ACOXL: variants seen among roughly 807,000 people sequenced by gnomAD.
ACOXL encodes acyl-CoA oxidase like.
In ACOXL, 70 loss-of-function variants were observed where a neutral mutation model predicts 71.9. The ratio of observed to expected loss-of-function variants is 0.97; its 90% CI spans 0.80 to 1.19. The LOEUF (loss-of-function observed/expected upper bound fraction) is 1.19. Ranked by LOEUF, ACOXL falls within the 50% of genes most tolerant of loss-of-function variation. The probability of loss-of-function intolerance (pLI) is 0.00; values close to 1 mark genes in which losing one functional copy is unlikely to be tolerated. For missense variants in ACOXL, 703 were observed against 736.3 expected, an observed-to-expected ratio of 0.95 and a Z score of 0.52; for synonymous variants, 253 against 281.6, an observed-to-expected ratio of 0.90 and a Z score of 1.02.
At chr2:111,062,444 C>G (rs927482795) in intron 16 of ACOXL, among the ~76,000 whole-genome samples, 3 of 152,038 alleles carry the variant, frequency 2.0e-5, no homozygotes, top group East Asian at 1.9e-4. Context: ...CATAAAAAAT[C>G]TTAACACCCT....
Position 111,117,664 on chromosome 2 carries a change from T to G in ACOXL, c.1591T>G (p.Ser531Ala). The part of the protein sequence containing the change: ...SVKDDARRVI[S>A]TFNIPHTYLH... Reference sequence around the variant, plus strand: ...GAAGGATGATGCCCGGAGGGTGATCTCGACCTTTAACATTCCACACACCTA... The same window carrying G: ...GAAGGATGATGCCCGGAGGGTGATCGCGACCTTTAACATTCCACACACCTA... The change falls in exon 18 of 18, where the codon TCG becomes GCG. Residue 531 changes from serine (S) to alanine (A), a missense_variant. By Grantham distance (99) the Ser-to-Ala change is moderately conservative. Transcript: ENST00000439055. 9.7e-6 allele frequency: 15 copies of G among 1,551,776 alleles called. No individual in the cohort carries two copies. The highest frequency in any genetic ancestry group is 1.7e-4 in the Middle Eastern group (1 of 5,992).
intron 10 of ACOXL, among the ~76,000 whole-genome samples, chr2:110,900,754 A>G (rs183382280): frequency 5.3e-5 from 8 of 152,182 alleles, no homozygotes; most frequent in African/African-American, 1.7e-4. Flanking sequence ...GGTTTGAACC[A>G]TAGCGTGATG....
chr2:110,867,712 A>G (rs886172872), intron 10 of ACOXL, among the ~76,000 whole-genome samples: 6 of 152,132 alleles, frequency 3.9e-5, no homozygotes, highest in African/African-American at 9.7e-5. Context: ...GGAGATCAAT[A>G]TTAAATACCT....
chr2:111,006,400 C>T (rs757306098), intron 14 of ACOXL, among the ~76,000 whole-genome samples: 3 of 152,206 alleles, frequency 2.0e-5, no homozygotes, highest in African/African-American at 2.4e-5. Flanking sequence ...GGATAGCTGA[C>T]GATCTGGGGA....
chr2:110,869,959 A>C (rs961313778), intron 10 of ACOXL, among the ~76,000 whole-genome samples: 1 of 152,242 alleles, frequency 6.6e-6, no homozygotes, highest in Non-Finnish European at 1.5e-5. Flanking sequence ...CCTTCAGGCA[A>C]GTGGCTTGTA....
At chr2:110,900,986 C>T (rs1468802025) in intron 10 of ACOXL, among the ~76,000 whole-genome samples, 2 of 152,174 alleles carry the variant, frequency 1.3e-5, no homozygotes, top group Admixed American at 6.5e-5. Context: ...GGGGGTCATC[C>T]CTCAGCTTGT....
intron 14 of ACOXL, among the ~76,000 whole-genome samples, chr2:111,020,082 A>G (rs1465717020): frequency 1.3e-5 from 2 of 152,062 alleles, no homozygotes; most frequent in African/African-American, 4.8e-5. Flanking sequence ...CTGGTCACGA[A>G]CTCTTAACCT....
Position 110,933,637 on chromosome 2 carries a change from G to T in ACOXL, c.1054G>T (p.Gly352Cys). Residue 352 changes from glycine (G) to cysteine (C), a missense_variant, in exon 12 of 18, where the codon GGC (glycine) becomes TGC (cysteine). By Grantham distance (159) the Gly-to-Cys change is radical. Transcript: ENST00000439055. ...GCAGGACTGCCGCGAGTGCACTGGAGGCATGGTGAGCCCCAAGGCCTGCAG... is the reference window on the plus strand; with the variant it reads ...GCAGGACTGCCGCGAGTGCACTGGATGCATGGTGAGCCCCAAGGCCTGCAG... ...CLQDCRECTGGMVVGRELLAQ... is the reference protein window; with the variant it reads ...CLQDCRECTGCMVVGRELLAQ... 1 of 1,610,430 alleles carries T rather than the reference G, an allele frequency of 6.2e-7. No homozygotes were observed. The highest frequency in any genetic ancestry group is 8.5e-7 in the Non-Finnish European group (1 of 1,178,708).
chr2:110,992,153 G>A (rs2149575666), intron 13 of ACOXL, among the ~76,000 whole-genome samples: 2 of 152,254 alleles, frequency 1.3e-5, no homozygotes, highest in Middle Eastern at 3.4e-3. Flanking sequence ...TGTGCCAAAG[G>A]CAGTATTCCA....
At position 110,988,076 on chromosome 2, in the gene ACOXL, C is replaced by T. The variant is rs574526374; in HGVS notation, c.1169+859C>T. ...AGTTCATGGAGCAGTGGCTACCTTC[C>T]TATTTATTACTAGTGATGCTCTCTG... On this transcript the variant is annotated intron_variant, in intron 13 of 17. Coordinates refer to ENST00000439055, the MANE Select transcript of ACOXL (RefSeq NM_001142807.4). Among the ~76,000 whole-genome samples the T allele has an allele frequency of 1.8e-4, 27 of 152,310 alleles. No homozygotes were observed. The South Asian group carries it at 5.0e-3, about 28-fold the overall frequency.
chr2:111,041,350 T>C (rs1181099786), intron 15 of ACOXL, among the ~76,000 whole-genome samples: 1 of 152,182 alleles, frequency 6.6e-6, no homozygotes, highest in Non-Finnish European at 1.5e-5. Flanking sequence ...ATCCATTATC[T>C]TCCCAATTTA....
chr2:111,088,417 C>T (rs544430919), intron 16 of ACOXL, among the ~76,000 whole-genome samples: 5 of 151,832 alleles, frequency 3.3e-5, no homozygotes, highest in Admixed American at 1.3e-4. Flanking sequence ...TGGTAGGCTT[C>T]GTAAAGAAAC....
chr2:110,887,860 C>G (rs535807471), intron 10 of ACOXL: 8 of 152,266 alleles, frequency 5.3e-5, no homozygotes, highest in African/African-American at 1.9e-4. Flanking sequence ...CTGTTTCTTT[C>G]TTTATTTTTC....
chr2:110,943,101 A>T (rs1165792439), intron 12 of ACOXL, among the ~76,000 whole-genome samples: 4 of 144,890 alleles, frequency 2.8e-5, no homozygotes, highest in African/African-American at 1.0e-4. Flanking sequence ...GGGAGGAAGG[A>T]AGGTAGGAAA....
rs150518299 is a variant in ACOXL at position 111,084,026 on chromosome 2, A to G, written c.1441-8839A>G. Among the ~76,000 whole-genome samples, 1,336 of 142,712 alleles carry G rather than the reference A, an allele frequency of 9.4e-3. 19 individuals carry two copies. The highest frequency in any genetic ancestry group is 0.032 in the African/African-American group (1,239 of 38,760). The allele number at this position is 142,712 out of a possible 152,430, so 93.6% of individuals were successfully genotyped here. On this transcript the variant is annotated intron_variant, in intron 16 of 17. Transcript: ENST00000439055. ...AATGTCATTCTGACAATACTTCCAG[A>G]AAAAAAAATGTGATTTGGGGCCAGG...
intron 12 of ACOXL, among the ~76,000 whole-genome samples, chr2:110,949,706 A>G (rs2149402171): frequency 6.6e-6 from 1 of 152,330 alleles, no homozygotes; most frequent in South Asian, 2.1e-4. Flanking sequence ...ATGAAGAAGC[A>G]CTAGGGACAT....
chr2:110,976,563 C>T (rs947797511), intron 12 of ACOXL, among the ~76,000 whole-genome samples: 5 of 152,238 alleles, frequency 3.3e-5, no homozygotes, highest in African/African-American at 1.2e-4. Flanking sequence ...GGATGAACTG[C>T]AGGAAAGCAT....
rs541038084 is a variant in ACOXL, at chr2:110,862,358, G to C, written c.788+20953G>C. ...GAGCTGAGTGCAGTGGTTCACACCT[G>C]TAATCCCAGCGACTCAAGGCAGAGG... On this transcript the variant is annotated intron_variant, in intron 10 of 17. Transcript: ENST00000439055. Among the ~76,000 whole-genome samples, 11 of 152,338 alleles carry C rather than the reference G, an allele frequency of 7.2e-5. No homozygotes were observed. The East Asian group carries it at 2.1e-3, about 29-fold the overall frequency.
chr2:111,013,522 CAAAAAAAAAAAAA>C (rs56905916), intron 14 of ACOXL, among the ~76,000 whole-genome samples: 1 of 95,526 alleles, frequency 1.0e-5, no homozygotes, highest in Non-Finnish European at 2.1e-5. Flanking sequence ...GACCCTGTCT[CAAAAAAAAAAAAA>C]AAAAAAAAAA....
Sources: gnomAD v4.1 joint callset for allele counts (sites outside exome capture counted in the v4.1 genomes callset) on GRCh38, gnomAD v4.1.1 for gene constraint, MANE v1.5 for transcripts, NCBI Gene and HGNC (gene_info 2026-07-23, HGNC 2026-07-21) for gene names.